The following SCML2 variants were observed in gnomAD, a reference collection of about 807,000 sequenced individuals.
The protein encoded by SCML2 is sex comb on midleg-like protein 2.
A neutral mutation model predicts 48.4 loss-of-function variants in SCML2; 6 were observed. The ratio of observed to expected loss-of-function variants is 0.12; its 90% CI spans 0.07 to 0.24. The LOEUF is 0.24. Among genes scored for constraint, SCML2 ranks in the 10% least tolerant of loss-of-function variants. The pLI is 1.00. For missense variants in SCML2, 377 were observed against 528.2 expected (o/e 0.71, Z 2.81); for synonymous variants, 181 against 189.5 (o/e 0.95, Z 0.37).
Position 18,330,632 on chromosome X carries a change from T to G in SCML2, c.46A>C (p.Asn16His). Residue 16 changes from asparagine (N) to histidine (H), a missense_variant, in exon 3 of 15, where the codon AAT becomes CAT. Physicochemically the swap from Asn to His is moderately conservative, Grantham distance 68 (BLOSUM62 1). Transcript: ENST00000251900. ...CTTGACTGAGGAGTTTTCTCTTGAT[T>G]CTCCTTCTTGACATCCATGGAATCT... ...NEDSMDVKKE[N>H]QEKTPQSSTS... 8.5e-7 allele frequency: 1 copy of G among 1,170,695 alleles called. No homozygotes were observed.
Position 18,323,849 on chromosome X carries a change from T to C in SCML2, c.397+10A>G, listed in dbSNP as rs1929395760. ...GAAAGAATACGCTATTTTTAAAACT[T>C]TCTTCTTACCTAGTGGAGGTTGAAG... On this transcript the variant is annotated intron_variant, in intron 5 of 14. Transcript: ENST00000251900. 1 of 1,160,454 alleles carries C rather than the reference T, an allele frequency of 8.6e-7. No individual in the cohort carries two copies. Among genetic ancestry groups the C allele is most frequent in the Non-Finnish European group, 1.2e-6 (1 of 850,340 alleles).
At chrX:18,352,333 T>C (rs1398686134) in intron 1 of SCML2, among the ~76,000 whole-genome samples, 1 of 112,036 alleles carries the variant, frequency 8.9e-6, no homozygotes, top group Non-Finnish European at 1.9e-5. Context: ...ATTTTTCCCC[T>C]CAAGCTTAAC....
chrX:18,326,378 G>C (rs1929479839), intron 3 of SCML2, among the ~76,000 whole-genome samples: 1 of 111,289 alleles, frequency 9.0e-6, no homozygotes, highest in African/African-American at 3.3e-5. Flanking sequence ...GCATCAGAGA[G>C]AGTGTTAAGA....
chrX:18,277,979 C>T (rs917028527), intron 7 of SCML2, among the ~76,000 whole-genome samples: 2 of 110,427 alleles, frequency 1.8e-5, no homozygotes, highest in Non-Finnish European at 3.8e-5. Flanking sequence ...TCAGCCTGGG[C>T]AACATGGTAA....
chrX:18,305,333 A>G, intron 6 of SCML2, 118 bp from the exon 7 acceptor site: 1 of 607,648 alleles, frequency 1.6e-6, no homozygotes, highest in East Asian at 3.4e-5. Flanking sequence ...ATTAAGCTCC[A>G]TGTTTAATTA....
chrX:18,338,855 A>AG (rs1929922309), intron 1 of SCML2, among the ~76,000 whole-genome samples: 2 of 107,199 alleles, frequency 1.9e-5, no homozygotes, highest in Admixed American at 2.0e-4. Context: ...TCGAGGCTGC[A>AG]GTGAGTCATG....
intron 7 of SCML2, 142 bp downstream of exon 7, chrX:18,304,830 A>G: frequency 1.6e-6 from 1 of 629,203 alleles, no homozygotes. Context: ...CCAGTTCTCT[A>G]GCCTGGACAG....
At chrX:18,250,573 C>T (rs12839647) in intron 11 of SCML2, among the ~76,000 whole-genome samples, 4,676 of 109,113 alleles carry the variant, frequency 0.043, 119 homozygotes, top group Non-Finnish European at 0.063. Flanking sequence ...TTAGTAGAGA[C>T]GGGGTTTCAC....
chrX:18,265,616 G>C lies in SCML2; in HGVS notation c.917C>G (p.Pro306Arg). Residue 306 changes from proline to arginine, a missense_variant, in exon 8 of 15, where the codon CCA becomes CGA. By Grantham distance (103) the Pro-to-Arg change is moderately radical. This residue lies in a region of SCML2 where 299 missense variants were observed against 425.5 expected (regional missense o/e 0.70). Transcript: ENST00000251900. ...TCCTGAGTTTGGACCTTTTTTCCTT[G>C]GTGTGATATTTTTAACAGAACTGCT... is the stretch of plus-strand genomic sequence containing the variant. The part of the protein sequence containing the change: ...KRSSSVKNIT[P>R]RKKGPNSGKK... 8.3e-7 allele frequency: 1 copy of C among 1,208,716 alleles called. No homozygotes were observed. Among genetic ancestry groups the C allele is most frequent in the Admixed American group, 2.2e-5 (1 of 45,556 alleles).
chrX:18,317,812 C>T (rs1230610906), intron 6 of SCML2, among the ~76,000 whole-genome samples: 1 of 86,560 alleles, frequency 1.2e-5, no homozygotes, highest in Non-Finnish European at 2.1e-5. Context: ...CCAGCCTGGG[C>T]GACAGAGCGA....
In SCML2 at chrX:18,240,834, A is replaced by G. The variant is rs1926237576; in HGVS notation, c.*417T>C. 8.8e-6 allele frequency: 1 copy of G among 113,686 alleles called. No homozygotes were observed. Among genetic ancestry groups the G allele is most frequent in the Admixed American group, 9.2e-5 (1 of 10,820 alleles). 9.4% of individuals were successfully genotyped at this position (113,686 alleles called of 1,213,427 possible). The stretch of plus-strand genomic sequence containing the variant: ...GAAAAATTCTCATGGATTTAATTAT[A>G]GAAGTTGTCAATCCCTGATATTTTC... On this transcript the variant is annotated 3_prime_UTR_variant, in exon 15 of 15. Transcript: ENST00000251900.
At chrX:18,317,790 C>T (rs1440434142) in intron 6 of SCML2, among the ~76,000 whole-genome samples, 2 of 100,236 alleles carry the variant, frequency 2.0e-5, no homozygotes, top group Admixed American at 1.1e-4. Context: ...GCCGAGATCG[C>T]GCCACTGCAC....
intron 7 of SCML2, among the ~76,000 whole-genome samples, chrX:18,283,620 G>A (rs1451442610): frequency 8.9e-6 from 1 of 112,407 alleles, no homozygotes; most frequent in Non-Finnish European, 1.9e-5. Flanking sequence ...GCGGAAAAAT[G>A]AGTAACATTT....
At chrX:18,312,709 G>A (rs1438623270) in intron 6 of SCML2, among the ~76,000 whole-genome samples, 1 of 110,502 alleles carries the variant, frequency 9.0e-6, no homozygotes, top group Admixed American at 9.7e-5. Flanking sequence ...CAACTAGAAA[G>A]ATAGTTTCCC....
At chrX:18,327,352 CA>C (rs1294008352) in intron 3 of SCML2, among the ~76,000 whole-genome samples, 2 of 111,391 alleles carry the variant, frequency 1.8e-5, no homozygotes, top group African/African-American at 3.3e-5. Context: ...CCTGGGCAAC[CA>C]GGGGGAGACT....
intron 6 of SCML2, among the ~76,000 whole-genome samples, chrX:18,311,427 T>C (rs780702217): frequency 1.8e-5 from 2 of 111,415 alleles, no homozygotes; most frequent in African/African-American, 3.3e-5. Context: ...AACAGCACAA[T>C]AGGAAAAATC....
intron 7 of SCML2, among the ~76,000 whole-genome samples, chrX:18,284,241 C>T (rs1927965823): frequency 8.9e-6 from 1 of 112,247 alleles, no homozygotes; most frequent in Non-Finnish European, 1.9e-5. Context: ...AAACCCTTAC[C>T]TTTCACCATA....
chrX:18,251,818 T>C (rs770329423), intron 11 of SCML2, among the ~76,000 whole-genome samples: 2 of 112,438 alleles, frequency 1.8e-5, no homozygotes, highest in South Asian at 3.7e-4. Context: ...AAAACTTATA[T>C]ACAAATGTTC....
chrX:18,327,711 G>A (rs766200059), intron 3 of SCML2, among the ~76,000 whole-genome samples: 1 of 111,730 alleles, frequency 9.0e-6, no homozygotes, highest in East Asian at 2.8e-4. Flanking sequence ...TGCAGCATTT[G>A]CCATTTGGAG....
Sources: gnomAD v4.1 joint callset for allele counts (sites outside exome capture counted in the v4.1 genomes callset) on GRCh38, gnomAD v4.1.1 for gene constraint, gnomAD v4.1.1 regional missense constraint, MANE v1.5 for transcripts, NCBI Gene and HGNC (gene_info 2026-07-23, HGNC 2026-07-21) for gene names.